Variants in BNIP2 observed in about 807,000 individuals in gnomAD.
BNIP2 encodes the protein BCL2/adenovirus E1B 19 kDa protein-interacting protein 2.
In BNIP2, 36 loss-of-function variants were observed where a neutral mutation model predicts 43.4. The observed-to-expected ratio is 0.83, with a 90% CI of 0.64 to 1.10. BNIP2 has a LOEUF of 1.10. Ranked by LOEUF, BNIP2 falls within the 50% of genes least tolerant of loss-of-function variation. The probability of loss-of-function intolerance (pLI) is 0.00; values close to 1 mark genes in which losing one functional copy is unlikely to be tolerated. For missense variants in BNIP2, 417 were observed against 374.1 expected (o/e 1.11, Z -0.95); for synonymous variants, 146 against 121.0 (o/e 1.21, Z -1.35).
intron 5 of BNIP2, among the ~76,000 whole-genome samples, chr15:59,675,250 A>G (rs1893203777): frequency 1.4e-5 from 2 of 144,970 alleles, no homozygotes; most frequent in South Asian, 2.1e-4. Flanking sequence ...CTCCATCTCA[A>G]AAAAAAAAAA....
intron 2 of BNIP2, 131 bp from the exon 3 acceptor site, chr15:59,680,439 G>A: frequency 1.5e-6 from 1 of 655,466 alleles, no homozygotes; most frequent in Non-Finnish European, 2.4e-6. Context: ...TGTTGTTTTT[G>A]AGACAGGGTC....
At chr15:59,672,020 G>C (rs6151540) in intron 6 of BNIP2, among the ~76,000 whole-genome samples, 14,799 of 152,194 alleles carry the variant, frequency 0.097, 1,173 homozygotes, top group East Asian at 0.29. Context: ...AGGCTGCAGG[G>C]AGCCGTAGTT....
In BNIP2 at chr15:59,689,104, A is replaced by G. The variant is rs751078912; in HGVS notation, c.-58+31T>C. 8 of 1,527,212 alleles carry G rather than the reference A, an allele frequency of 5.2e-6. No individual in the cohort carries two copies. The South Asian group carries it at 9.6e-5, about 18-fold the overall frequency. 94.6% of individuals were successfully genotyped at this position (1,527,212 alleles called of 1,614,324 possible). ...CGGTTCCCAGTCCAGCTCCGGAGCC[A>G]CCGTGCCGAGTTCTCCCAGGCCGCA... On this transcript the variant is annotated intron_variant, in intron 1 of 9. Coordinates refer to ENST00000607373, the MANE Select transcript of BNIP2 (RefSeq NM_004330.4).
chr15:59,676,013 T>C (rs759656378), intron 5 of BNIP2, among the ~76,000 whole-genome samples: 4 of 152,164 alleles, frequency 2.6e-5, no homozygotes, highest in Non-Finnish European at 4.4e-5. Context: ...TTCTACATTT[T>C]TAGGGGTATG....
rs750421510 is a variant in BNIP2, at chr15:59,660,147, C to T, written c.*3922G>A. 17 of 152,158 alleles carry T rather than the reference C, an allele frequency of 1.1e-4. No homozygotes were observed. Among genetic ancestry groups the T allele is most frequent in the South Asian group, 4.1e-4 (2 of 4,822 alleles). 9.4% of individuals were successfully genotyped at this position (152,158 alleles called of 1,614,324 possible). The stretch of plus-strand genomic sequence containing the variant: ...CAAGTCTAAGTTCTTGACTCTTTCT[C>T]GCAGCAACTCAAACTACACAATTCC... On this transcript the variant is annotated 3_prime_UTR_variant, in exon 10 of 10. Coordinates refer to ENST00000607373, the MANE Select transcript of BNIP2 (RefSeq NM_004330.4).
At position 59,685,416 on chromosome 15, in the gene BNIP2, G is replaced by A. The variant is rs146792945; in HGVS notation, c.-57-2902C>T. ...CTATGGAGGCTAAGGCAGGAGAATC[G>A]CTGGAACCCCAGAGGTGAAGGTTGC... On this transcript the variant is annotated intron_variant, in intron 1 of 9. Coordinates refer to ENST00000607373, the MANE Select transcript of BNIP2 (RefSeq NM_004330.4). Among the ~76,000 whole-genome samples, 694 of 152,288 alleles carry A rather than the reference G, an allele frequency of 4.6e-3. 9 individuals carry two copies. The highest frequency in any genetic ancestry group is 0.015 in the African/African-American group (643 of 41,560).
intron 9 of BNIP2, among the ~76,000 whole-genome samples, chr15:59,668,374 A>G (rs895332659): frequency 1.3e-5 from 2 of 152,230 alleles, no homozygotes; most frequent in Non-Finnish European, 2.9e-5. Context: ...ATACTCAGTT[A>G]TTTATGTTAA....
intron 5 of BNIP2, chr15:59,676,765 T>C: frequency 2.7e-6 from 4 of 1,471,698 alleles, no homozygotes; most frequent in Non-Finnish European, 3.7e-6. Flanking sequence ...TCATGGAGGA[T>C]GAGCGGAGCT....
chr15:59,675,706 G>C (rs1303644951), intron 5 of BNIP2, among the ~76,000 whole-genome samples: 2 of 152,084 alleles, frequency 1.3e-5, no homozygotes, highest in South Asian at 4.1e-4. Flanking sequence ...GCCCAAGCTG[G>C]AAACAACTCA....
At chr15:59,674,432 T>C (rs1274645848) in intron 5 of BNIP2, among the ~76,000 whole-genome samples, 1 of 152,232 alleles carries the variant, frequency 6.6e-6, no homozygotes, top group Admixed American at 6.5e-5. Flanking sequence ...ATTTAAGCCA[T>C]AAATCAGGTC....
chr15:59,672,486 G>T, intron 6 of BNIP2, 151 bp downstream of exon 6: 1 of 555,534 alleles, frequency 1.8e-6, no homozygotes, highest in Non-Finnish European at 3.2e-6. Context: ...CGCCTAGGCT[G>T]GTCTCCAACT....
Position 59,660,411 on chromosome 15 carries a change from T to C in BNIP2, c.*3658A>G, listed in dbSNP as rs1165343085. The C allele has an allele frequency of 2.0e-5, 3 of 152,140 alleles. No homozygotes were observed. Among genetic ancestry groups the C allele is most frequent in the Non-Finnish European group, 4.4e-5 (3 of 68,038 alleles). The allele number at this position is 152,140 out of a possible 1,614,324, so 9.4% of individuals were successfully genotyped here. A position where few individuals can be genotyped will look rare whatever the true frequency, so the allele number is the denominator to read the frequency against. On this transcript the variant is annotated 3_prime_UTR_variant, in exon 10 of 10. Coordinates refer to ENST00000607373, the MANE Select transcript of BNIP2 (RefSeq NM_004330.4). ...AGCAAGTTTAACACTTCTCCACATA[T>C]AACATGGAAAAAGGAAGGATGAACC...
chr15:59,666,606 G>A (rs1372407951), intron 9 of BNIP2, among the ~76,000 whole-genome samples: 2 of 152,174 alleles, frequency 1.3e-5, no homozygotes, highest in Non-Finnish European at 1.5e-5. Flanking sequence ...GGCAGAGATT[G>A]CAGTTAGCTG....
intron 5 of BNIP2, 32 bp downstream of exon 5, chr15:59,677,879 A>G: frequency 6.3e-7 from 1 of 1,577,780 alleles, no homozygotes; most frequent in Non-Finnish European, 8.6e-7. Flanking sequence ...ATATTGCATT[A>G]AACAATCTGA....
chr15:59,679,769 C>A lies in BNIP2; in HGVS notation c.119-1G>T. The stretch of plus-strand genomic sequence containing the variant: ...TTATTTCCATTAACTTCTAGTGAGC[C>A]TGGAATTGGAAAATAAAGAAAAAGA... On this transcript the variant is annotated splice_acceptor_variant, in intron 3 of 9. Coordinates refer to ENST00000607373, the MANE Select transcript of BNIP2 (RefSeq NM_004330.4). LOFTEE classifies it high-confidence loss of function. 6.8e-7 allele frequency: 1 copy of A among 1,476,658 alleles called. No homozygotes were observed. Among genetic ancestry groups the A allele is most frequent in the Non-Finnish European group, 9.0e-7 (1 of 1,116,250 alleles). 91.5% of individuals were successfully genotyped at this position (1,476,658 alleles called of 1,614,324 possible).
In BNIP2 at chr15:59,679,667, A is replaced by G; in HGVS notation, c.220T>C (p.Leu74=). ...PSDGSVLSDD[L]DESGEIDLDG... ...AAGTCAATCTCCCCACTTTCATCCAAATCATCTGACAATACAGAGCCATCA... is the reference window on the plus strand; with the variant it reads ...AAGTCAATCTCCCCACTTTCATCCAGATCATCTGACAATACAGAGCCATCA... Residue 74 remains leucine (L), a synonymous_variant, in exon 4 of 10, where the codon TTG becomes CTG. Coordinates refer to ENST00000607373, the MANE Select transcript of BNIP2 (RefSeq NM_004330.4). 6.2e-7 allele frequency: 1 copy of G among 1,612,984 alleles called. No individual in the cohort carries two copies. The highest frequency in any genetic ancestry group is 8.5e-7 in the Non-Finnish European group (1 of 1,179,474).
chr15:59,678,927 A>T, intron 4 of BNIP2: 2 of 1,164,374 alleles, frequency 1.7e-6, no homozygotes, highest in South Asian at 3.0e-5. Flanking sequence ...TGGACTGTTT[A>T]TTGAACCAGT....
chr15:59,666,462 T>A (rs573036604), intron 9 of BNIP2, among the ~76,000 whole-genome samples: 2 of 152,148 alleles, frequency 1.3e-5, no homozygotes, highest in East Asian at 1.9e-4. Context: ...AGATCAGGAG[T>A]TCGAGACCAT....
intron 9 of BNIP2, among the ~76,000 whole-genome samples, chr15:59,668,307 T>G (rs1216442162): frequency 1.3e-5 from 2 of 152,186 alleles, no homozygotes; most frequent in Admixed American, 6.5e-5. Context: ...TTTCATACAT[T>G]AAATAGACTA....
Sources: gnomAD v4.1 joint callset for allele counts (sites outside exome capture counted in the v4.1 genomes callset) on GRCh38, gnomAD v4.1.1 for gene constraint, MANE v1.5 for transcripts, NCBI Gene and HGNC (gene_info 2026-07-23, HGNC 2026-07-21) for gene names.